Variants in ZFHX3 observed in about 807,000 individuals in gnomAD.
ZFHX3 encodes zinc finger homeobox 3.
ZFHX3 carries 42 observed loss-of-function variants against 279.1 expected under a neutral mutation model. That is an observed-to-expected ratio of 0.15 (90% CI 0.12 to 0.19). The LOEUF is 0.19. Among genes scored for constraint, ZFHX3 ranks in the 10% least tolerant of loss-of-function variants. ZFHX3 has a pLI of 1.00. For synonymous variants in ZFHX3, 2,293 were observed against 1,957.8 expected, an observed-to-expected ratio of 1.17 and a Z score of -4.52; for missense variants, 4,981 against 4,754.0, an observed-to-expected ratio of 1.05 and a Z score of -1.40.
intron 1 of ZFHX3, among the ~76,000 whole-genome samples, chr16:73,789,891 A>G (rs1439221228): frequency 6.6e-6 from 1 of 152,214 alleles, no homozygotes; most frequent in Non-Finnish European, 1.5e-5. Flanking sequence ...AAGGAGAAGT[A>G]AACAAGGCCT....
intron 1 of ZFHX3, among the ~76,000 whole-genome samples, chr16:73,881,315 A>G (rs986741521): frequency 1.1e-4 from 16 of 152,230 alleles, no homozygotes; most frequent in African/African-American, 3.6e-4. Flanking sequence ...ATGCAGGAGA[A>G]TTCTCTTATG....
chr16:72,906,903 G>C (rs1416684625), intron 3 of ZFHX3, among the ~76,000 whole-genome samples: 1 of 152,216 alleles, frequency 6.6e-6, no homozygotes, highest in African/African-American at 2.4e-5. Flanking sequence ...GAGGACTAGA[G>C]AGAGGACTGC....
intron 2 of ZFHX3, among the ~76,000 whole-genome samples, chr16:73,465,900 G>C (rs2018560977): frequency 6.6e-6 from 1 of 152,136 alleles, no homozygotes. Context: ...GTGACAGTAA[G>C]GAGATGACAG....
chr16:73,368,216 T>C (rs141374461), intron 3 of ZFHX3, among the ~76,000 whole-genome samples: 188 of 152,258 alleles, frequency 1.2e-3, no homozygotes, highest in Non-Finnish European at 2.3e-3. Context: ...ACCCAGGCTG[T>C]TGAGCAGAAT....
At chr16:72,906,669 G>A (rs1183054087) in intron 3 of ZFHX3, among the ~76,000 whole-genome samples, 3 of 152,134 alleles carry the variant, frequency 2.0e-5, no homozygotes, top group Non-Finnish European at 4.4e-5. Flanking sequence ...ATGGTGGCAC[G>A]CGCCCGCAGT....
chr16:73,265,616 C>T (rs1178922174), intron 4 of ZFHX3, among the ~76,000 whole-genome samples: 1 of 152,092 alleles, frequency 6.6e-6, no homozygotes, highest in Non-Finnish European at 1.5e-5. Context: ...TTGAGAAATG[C>T]TTTAGAAGAG....
chr16:72,959,993 G>A lies in ZFHX3; in HGVS notation c.153C>T (p.Asp51=), dbSNP rs1214240755. Residue 51 remains aspartate (D), a synonymous_variant, in exon 2 of 10, where the codon GAC becomes GAT. Transcript: ENST00000268489. ...GCTCATTGAAGGGGGCCCTCAGGCT[G>A]TCCAAGGGCCCGTGGCTCTCGCCTG... The part of the protein sequence containing the change: ...QSTGESHGPL[D]SLRAPFNERL... The A allele has an allele frequency of 3.1e-6, 5 of 1,613,620 alleles. No individual in the cohort carries two copies. The highest frequency in any genetic ancestry group is 4.2e-6 in the Non-Finnish European group (5 of 1,179,762).
intron 3 of ZFHX3, chr16:73,401,091 C>A (rs2143430649): frequency 6.6e-6 from 1 of 152,094 alleles, no homozygotes; most frequent in South Asian, 2.1e-4. Context: ...CCGTCCCCAG[C>A]CACCTAATGA....
intron 3 of ZFHX3, among the ~76,000 whole-genome samples, chr16:73,330,903 C>A (rs2015789447): frequency 6.6e-6 from 1 of 152,150 alleles, no homozygotes; most frequent in South Asian, 2.1e-4. Flanking sequence ...CCATGATGGC[C>A]TTGTTCTGAT....
At chr16:73,452,210 T>C (rs1200596484) in intron 3 of ZFHX3, among the ~76,000 whole-genome samples, 2 of 152,194 alleles carry the variant, frequency 1.3e-5, no homozygotes, top group African/African-American at 2.4e-5. Context: ...TACTTATAAT[T>C]AACATTTTAT....
chr16:73,124,217 T>C (rs559453561), intron 7 of ZFHX3, among the ~76,000 whole-genome samples: 4 of 152,266 alleles, frequency 2.6e-5, no homozygotes, highest in Non-Finnish European at 4.4e-5. Flanking sequence ...AATATATTTG[T>C]CCCAGTTCTG....
intron 2 of ZFHX3, among the ~76,000 whole-genome samples, chr16:73,570,287 T>C (rs1256077533): frequency 6.6e-6 from 1 of 152,228 alleles, no homozygotes; most frequent in Non-Finnish European, 1.5e-5. Flanking sequence ...TGGGTGCTTG[T>C]TTCTGCTTTG....
chr16:73,647,747 A>G (rs1597045902), intron 2 of ZFHX3, among the ~76,000 whole-genome samples: 2 of 152,216 alleles, frequency 1.3e-5, no homozygotes, highest in African/African-American at 2.4e-5. Context: ...AAAAAAAACA[A>G]AAAAGAAGGA....
At chr16:73,091,150 G>A (rs1966075313) in intron 8 of ZFHX3, among the ~76,000 whole-genome samples, 1 of 151,448 alleles carries the variant, frequency 6.6e-6, no homozygotes, top group African/African-American at 2.4e-5. Context: ...GGTGGGGCTT[G>A]CAGTGAGTGG....
intron 1 of ZFHX3, among the ~76,000 whole-genome samples, chr16:73,001,537 G>A (rs1414361635): frequency 6.6e-6 from 1 of 152,142 alleles, no homozygotes; most frequent in Non-Finnish European, 1.5e-5. Context: ...TGGAGGCCAG[G>A]AGTGCTGACT....
At chr16:72,973,147 C>G (rs1962182618) in intron 1 of ZFHX3, among the ~76,000 whole-genome samples, 1 of 152,194 alleles carries the variant, frequency 6.6e-6, no homozygotes, top group Non-Finnish European at 1.5e-5. Context: ...TGCCTAGTGT[C>G]CCACCAACCA....
intron 2 of ZFHX3, among the ~76,000 whole-genome samples, chr16:73,641,592 T>G (rs934859384): frequency 1.2e-4 from 18 of 152,094 alleles, no homozygotes; most frequent in Non-Finnish European, 1.8e-4. Context: ...AGATATACAC[T>G]GATGTAGGGA....
intron 7 of ZFHX3, among the ~76,000 whole-genome samples, chr16:73,109,169 G>A (rs533785810): frequency 6.1e-4 from 92 of 151,636 alleles, no homozygotes; most frequent in African/African-American, 2.1e-3. Flanking sequence ...TATTTTTCCA[G>A]ACTTTTTCCT....
rs776277239 is a variant in ZFHX3 at position 72,958,930 on chromosome 16, G to A, written c.1216C>T (p.Leu406Phe). 2 of 1,599,146 alleles carry A rather than the reference G, an allele frequency of 1.3e-6. No individual in the cohort carries two copies. The highest frequency in any genetic ancestry group is 2.3e-5 in the South Asian group (2 of 88,284). Reference protein sequence around the residue: ...TPSTLLNLGGLTSSVLKTPIT... With the variant: ...TPSTLLNLGGFTSSVLKTPIT... ...GGGGTCTTCAGTACCGAGCTGGTGA[G>A]CCCGCCAAGGTTCAACAGGGTGCTG... Residue 406 changes from leucine (L) to phenylalanine (F), a missense_variant, in exon 2 of 10, where the codon CTC (leucine) becomes TTC (phenylalanine). Transcript: ENST00000268489.
Sources: allele counts gnomAD v4.1 joint callset (sites outside exome capture counted in the v4.1 genomes callset), GRCh38; gene constraint gnomAD v4.1.1; transcripts MANE v1.5; gene names NCBI Gene and HGNC (gene_info 2026-07-23, HGNC 2026-07-21).